RIC8A: variants seen among roughly 807,000 people sequenced by gnomAD.
The protein encoded by RIC8A is chaperone Ric-8A.
Under a neutral mutation model 48.4 loss-of-function variants are expected in RIC8A, and 37 were observed. The observed-to-expected ratio is 0.77, with a 90% CI of 0.59 to 1.01. The LOEUF (loss-of-function observed/expected upper bound fraction) is 1.01, where lower values mean the gene tolerates loss of function less well. Ranked by LOEUF, RIC8A falls within the 50% of genes least tolerant of loss-of-function variation. RIC8A has a pLI of 0.00. For synonymous variants in RIC8A, 288 were observed against 283.4 expected, an observed-to-expected ratio of 1.02 and a Z score of -0.16; for missense variants, 681 against 696.8, an observed-to-expected ratio of 0.98 and a Z score of 0.25.
rs770913091 is a variant in RIC8A at position 212,865 on chromosome 11, T to C, written c.1239T>C (p.Tyr413=). 3.7e-6 allele frequency: 6 copies of C among 1,606,924 alleles called. No individual in the cohort carries two copies. Among genetic ancestry groups the C allele is most frequent in the South Asian group, 1.1e-5 (1 of 89,554 alleles). ...CCCGATTCATCAAGTACACAGGCTA[T>C]GGGAATGCTGCTGGCCTTCTGGCTG... is the stretch of plus-strand genomic sequence containing the variant. ...SVPRFIKYTG[Y]GNAAGLLAAR... is the part of the protein sequence containing the mutation. The change falls in exon 8 of 10, where the codon TAT becomes TAC. Residue 413 remains tyrosine (Y), a synonymous_variant. Transcript: ENST00000526104.
chr11:213,255 A>G, intron 8 of RIC8A, 44 bp from the exon 9 acceptor site: 1 of 1,612,144 alleles, frequency 6.2e-7, no homozygotes, highest in Non-Finnish European at 8.5e-7. Context: ...CCTGTCCTGG[A>G]GAGTCACTAA....
rs2133744929 is a variant in RIC8A at position 208,894 on chromosome 11, G to A, written c.40G>A (p.Glu14Lys). 1.2e-6 allele frequency: 2 copies of A among 1,611,320 alleles called. No homozygotes were observed. Among genetic ancestry groups the A allele is most frequent in the Middle Eastern group, 1.7e-4 (1 of 5,994 alleles). ...RAVAEAVETG[E>K]EDVIMEALRS... Reference sequence around the variant, plus strand: ...GGTTGCAGAAGCCGTGGAGACGGGTGAGGAGGATGTGATTATGGAAGCTCT... The same window carrying A: ...GGTTGCAGAAGCCGTGGAGACGGGTAAGGAGGATGTGATTATGGAAGCTCT... Residue 14 changes from glutamate (E) to lysine (K), a missense_variant, in exon 1 of 10, where the codon GAG becomes AAG. Physicochemically the swap from Glu to Lys is moderately conservative, Grantham distance 56. Coordinates refer to ENST00000526104, the MANE Select transcript of RIC8A (RefSeq NM_001286134.2). The surrounding 1 kb of genome is among the most constrained non-coding windows in gnomAD (Gnocchi z 4.8).
At chr11:210,058 C>T (rs1855312413) in intron 3 of RIC8A, 58 bp downstream of exon 3, 2 of 1,415,128 alleles carry the variant, frequency 1.4e-6, no homozygotes, top group Non-Finnish European at 1.9e-6. Flanking sequence ...ATTTCCTGGA[C>T]CTGCTTCCTA....
chr11:213,139 G>A (rs988356833), intron 8 of RIC8A, 158 bp downstream of exon 8: 6 of 1,357,284 alleles, frequency 4.4e-6, no homozygotes, highest in Middle Eastern at 2.0e-4. Context: ...GATACCAGAA[G>A]GTGGCAGATG....
Position 209,258 on chromosome 11 carries a change from G to T in RIC8A, c.85-13G>T, listed in dbSNP as rs754355854. The T allele has an allele frequency of 1.9e-6, 3 of 1,614,158 alleles. No homozygotes were observed. The Admixed American group carries it at 5.0e-5, about 27-fold the overall frequency. On this transcript the variant is annotated splice_polypyrimidine_tract_variant and intron_variant, in intron 1 of 9. Transcript: ENST00000526104. The stretch of plus-strand genomic sequence containing the variant: ...CCCCTCTGTGGATTTGAATTCACTA[G>T]TTCTCTCTGCAGCACTCCCAGAGCT...
chr11:214,009 G>A (rs570996292), intron 9 of RIC8A, among the ~76,000 whole-genome samples: 1 of 152,172 alleles, frequency 6.6e-6, no homozygotes, highest in South Asian at 2.1e-4. Context: ...CAAATTAAGA[G>A]CCTGCTTAAG....
rs939947750 is a variant in RIC8A, at chr11:208,736, C to G, written c.-119C>G. 19 of 676,054 alleles carry G rather than the reference C, an allele frequency of 2.8e-5. No homozygotes were observed. The highest frequency in any genetic ancestry group is 4.2e-5 in the Non-Finnish European group (18 of 427,918). The allele number at this position is 676,054 out of a possible 1,614,324, so 41.9% of individuals were successfully genotyped here. A position where few individuals can be genotyped will look rare whatever the true frequency, so the allele number is the denominator to read the frequency against. On this transcript the variant is annotated 5_prime_UTR_variant, in exon 1 of 10. Coordinates refer to ENST00000526104, the MANE Select transcript of RIC8A (RefSeq NM_001286134.2). The surrounding 1 kb of genome is among the most constrained non-coding windows in gnomAD (Gnocchi z 4.8). ...GCCCCGTTAAAGCGCCACCAGACGC[C>G]GCGCCCCGTCCCGGCCTCCCCCGCG...
Position 212,989 on chromosome 11 carries a change from C to T in RIC8A, c.1355+8C>T. On this transcript the variant is annotated splice_region_variant and intron_variant, in intron 8 of 9. Transcript: ENST00000526104. ...CAAGGAAGCCAAAGCCAGGTGTGTA[C>T]CCCCAACACACCCTCGGGTCTCCAC... 1 of 1,540,824 alleles carries T rather than the reference C, an allele frequency of 6.5e-7. No individual in the cohort carries two copies. The highest frequency in any genetic ancestry group is 2.3e-5 in the East Asian group (1 of 44,292).
At position 212,488 on chromosome 11, in the gene RIC8A, G is replaced by C; in HGVS notation, c.1042G>C (p.Ala348Pro). The C allele has an allele frequency of 6.2e-7, 1 of 1,613,932 alleles. No homozygotes were observed. ...TGAATGTGCCCGGATGCACCGCCCA[G>C]CCAGGAAGTTCCTGAAGGCCCAGGT... ...LTECARMHRP[A>P]RKFLKAQVLP... The change falls in exon 6 of 10, where the codon GCC becomes CCC. Residue 348 changes from alanine to proline, a missense_variant. Ala to Pro is a conservative substitution (Grantham distance 27). Transcript: ENST00000526104.
chr11:209,223 G>A, intron 1 of RIC8A, 48 bp from the exon 2 acceptor site: 1 of 1,612,304 alleles, frequency 6.2e-7, no homozygotes, highest in Non-Finnish European at 8.5e-7. Context: ...ATCAGCGGAC[G>A]CGGATCCTAC....
chr11:209,158 C>A, intron 1 of RIC8A, 113 bp from the exon 2 acceptor site: 1 of 1,322,134 alleles, frequency 7.6e-7, no homozygotes, highest in Non-Finnish European at 1.1e-6. Context: ...GCCGACCCTG[C>A]CATCCGTTCT....
At chr11:210,315 G>A (rs775047941) in intron 3 of RIC8A, 54 of 695,288 alleles carry the variant, frequency 7.8e-5, no homozygotes, top group Non-Finnish European at 3.7e-5. Flanking sequence ...CATCCCTAAG[G>A]TATGTGTTAG....
rs758084875 is a variant in RIC8A, at chr11:209,287, C to T, written c.101C>T (p.Thr34Met). Reference sequence around the variant, plus strand: ...TCTCTGCAGCACTCCCAGAGCTTCACGTTTGATGATGCCCAACAGGAGGAC... The same window carrying T: ...TCTCTGCAGCACTCCCAGAGCTTCATGTTTGATGATGCCCAACAGGAGGAC... The part of the protein sequence containing the change: ...SYNQEHSQSF[T>M]FDDAQQEDRK... The change falls in exon 2 of 10, where the codon ACG becomes ATG. Residue 34 changes from threonine (T) to methionine (M), a missense_variant. Thr to Met is a moderately conservative substitution (Grantham distance 81). Transcript: ENST00000526104. The T allele has an allele frequency of 3.1e-6, 5 of 1,613,890 alleles. No homozygotes were observed. In the South Asian group the frequency reaches 3.3e-5, roughly 11 times the overall value.
Position 212,988 on chromosome 11 carries a change from A to T in RIC8A, c.1355+7A>T, listed in dbSNP as rs1159713815. 1.3e-6 allele frequency: 2 copies of T among 1,539,874 alleles called. No individual in the cohort carries two copies. Among genetic ancestry groups the T allele is most frequent in the Non-Finnish European group, 1.7e-6 (2 of 1,144,634 alleles). On this transcript the variant is annotated splice_region_variant and intron_variant, in intron 8 of 9. Transcript: ENST00000526104. The stretch of plus-strand genomic sequence containing the variant: ...ACAAGGAAGCCAAAGCCAGGTGTGT[A>T]CCCCCAACACACCCTCGGGTCTCCA...
rs1000463030 is a variant in RIC8A at position 208,998 on chromosome 11, G to T, written c.84+60G>T. 6.6e-6 allele frequency: 9 copies of T among 1,359,294 alleles called. No individual in the cohort carries two copies. In the East Asian group the frequency reaches 1.7e-4, roughly 26 times the overall value. The allele number at this position is 1,359,294 out of a possible 1,614,324, so 84.2% of individuals were successfully genotyped here. On this transcript the variant is annotated intron_variant, in intron 1 of 9. Coordinates refer to ENST00000526104, the MANE Select transcript of RIC8A (RefSeq NM_001286134.2). The surrounding 1 kb of genome is among the most constrained non-coding windows in gnomAD (Gnocchi z 4.8). ...GAGGGGGTGGGGCAGGGTCGTGCGC[G>T]GGTAGCAGGGAGGGCGTGGGTGAGG...
Position 209,816 on chromosome 11 carries a change from A to G in RIC8A, c.542A>G (p.Gln181Arg). The change falls in exon 3 of 10, where the codon CAG (glutamine) becomes CGG (arginine). Residue 181 changes from glutamine (Q) to arginine (R), a missense_variant. Gln to Arg is a conservative substitution (Grantham distance 43). Coordinates refer to ENST00000526104, the MANE Select transcript of RIC8A (RefSeq NM_001286134.2). ...LTALRTDVRQQLFQELKGVRL... is the reference protein window; with the variant it reads ...LTALRTDVRQRLFQELKGVRL... ...GCACTCCGCACCGATGTGCGCCAGCAGCTGTTTCAGGAGCTGAAAGGAGTG... is the reference window on the plus strand; with the variant it reads ...GCACTCCGCACCGATGTGCGCCAGCGGCTGTTTCAGGAGCTGAAAGGAGTG... The G allele has an allele frequency of 6.2e-7, 1 of 1,614,036 alleles. No homozygotes were observed. The highest frequency in any genetic ancestry group is 8.5e-7 in the Non-Finnish European group (1 of 1,180,036).
Position 208,519 on chromosome 11 carries a change from C to G in RIC8A, c.-336C>G. On this transcript the variant is annotated 5_prime_UTR_variant, in exon 1 of 10. Coordinates refer to ENST00000526104, the MANE Select transcript of RIC8A (RefSeq NM_001286134.2). This position sits in a 1 kb window ranked among gnomAD's most constrained non-coding sequence, Gnocchi z 4.8. ...GTTCTGTGGAGCTCGAGGGGCGTCA[C>G]TGTGTGTGTGGCAGGGCACGGTGGG... 1 of 257,124 alleles carries G rather than the reference C, an allele frequency of 3.9e-6. No individual in the cohort carries two copies. The highest frequency in any genetic ancestry group is 7.3e-6 in the Non-Finnish European group (1 of 137,548). 15.9% of individuals were successfully genotyped at this position (257,124 alleles called of 1,614,324 possible). A position where few individuals can be genotyped will look rare whatever the true frequency, so the allele number is the denominator to read the frequency against.
At chr11:210,995 C>T (rs539833971) in intron 4 of RIC8A, 20 of 619,424 alleles carry the variant, frequency 3.2e-5, no homozygotes, top group Non-Finnish European at 2.8e-6. Flanking sequence ...TGTCTCAGTG[C>T]CCCCACTTCC....
intron 1 of RIC8A, 76 bp from the exon 2 acceptor site, chr11:209,195 G>A (rs777401332): frequency 2.2e-5 from 35 of 1,563,734 alleles, no homozygotes; most frequent in Middle Eastern, 1.7e-4. Context: ...CTGAGTTAGA[G>A]GCCAATAGGC....
Sources: gnomAD v4.1 joint callset for allele counts (sites outside exome capture counted in the v4.1 genomes callset) on GRCh38, gnomAD v4.1.1 for gene constraint, Gnocchi (gnomAD v3.1) non-coding constraint, MANE v1.5 for transcripts, NCBI Gene and HGNC (gene_info 2026-07-23, HGNC 2026-07-21) for gene names.